The following ITGAD variants were observed in gnomAD, a reference collection of about 807,000 sequenced individuals.
The protein encoded by ITGAD is integrin subunit alpha D, also known as integrin alpha-D.
ITGAD carries 105 observed loss-of-function variants against 139.0 expected under a neutral mutation model. The observed-to-expected ratio is 0.76, with a 90% CI of 0.65 to 0.89. The LOEUF (loss-of-function observed/expected upper bound fraction) is 0.89. Ranked by LOEUF, ITGAD falls within the 40% of genes least tolerant of loss-of-function variation. The pLI, the probability that ITGAD is intolerant of heterozygous loss-of-function variation, is 0.00. For missense variants in ITGAD, 1,384 were observed against 1,487.3 expected (o/e 0.93, Z 1.14); for synonymous variants, 569 against 598.3 (o/e 0.95, Z 0.71).
rs770571323 is a variant in ITGAD at position 31,423,949 on chromosome 16, G to T, written c.3150G>T (p.Trp1050Cys). The change falls in exon 27 of 30, where the codon TGG becomes TGT. Residue 1050 changes from tryptophan to cysteine, a missense_variant. Transcript: ENST00000389202. ...TGAAGGGCAATCTCAGTTTCGGCTG[G>T]GTCCGCGAGGTGTGTGGGGGCAGCG... is the stretch of plus-strand genomic sequence containing the variant. ...FTLKGNLSFG[W>C]VRETLQKKVL... 1.2e-6 allele frequency: 2 copies of T among 1,614,136 alleles called. No individual in the cohort carries two copies. Among genetic ancestry groups the T allele is most frequent in the Non-Finnish European group, 8.5e-7 (1 of 1,180,030 alleles).
chr16:31,410,781 T>C lies in ITGAD; in HGVS notation c.1259T>C (p.Val420Ala), dbSNP rs1404370294. 1 of 1,613,524 alleles carries C rather than the reference T, an allele frequency of 6.2e-7. No individual in the cohort carries two copies. Among genetic ancestry groups the C allele is most frequent in the African/African-American group, 1.3e-5 (1 of 74,932 alleles). Residue 420 changes from valine to alanine, a missense_variant, in exon 12 of 30, where the codon GTC becomes GCC. Transcript: ENST00000389202. The part of the protein sequence containing the change: ...LALWKGVQNL[V>A]LGAPRYQHTG... The stretch of plus-strand genomic sequence containing the variant: ...CTGTGGAAGGGGGTACAGAACCTGG[T>C]CCTGGGGGCCCCCCGCTACCAGCAT...
Position 31,424,453 on chromosome 16 carries a change from G to C in ITGAD, c.3262-14G>C, listed in dbSNP as rs753810099. 1 of 1,603,592 alleles carries C rather than the reference G, an allele frequency of 6.2e-7. No individual in the cohort carries two copies. Among genetic ancestry groups the C allele is most frequent in the South Asian group, 1.1e-5 (1 of 90,636 alleles). On this transcript the variant is annotated splice_polypyrimidine_tract_variant and intron_variant, in intron 28 of 29. Coordinates refer to ENST00000389202, the MANE Select transcript of ITGAD (RefSeq NM_005353.3). ...GATGGCATGAGGCCGGATGCTCTCT[G>C]ATCTCTAAATCAGATGGAGATGGTG...
rs945403853 is a variant in ITGAD, at chr16:31,397,580, G to T, written c.242-16G>T. Reference sequence around the variant, plus strand: ...GTGTGTGCTGTGAGTGAGACCCCGCGTGTCTGCCCTTGCAGTCCGCCCTGA... The same window carrying T: ...GTGTGTGCTGTGAGTGAGACCCCGCTTGTCTGCCCTTGCAGTCCGCCCTGA... On this transcript the variant is annotated splice_polypyrimidine_tract_variant and intron_variant, in intron 3 of 29. Transcript: ENST00000389202. 2 of 1,606,408 alleles carry T rather than the reference G, an allele frequency of 1.2e-6. No individual in the cohort carries two copies. The highest frequency in any genetic ancestry group is 1.7e-5 in the Admixed American group (1 of 59,802).
rs2081765381 is a variant in ITGAD at position 31,412,831 on chromosome 16, T to C, written c.1708-7T>C. ...CAGCCTGATTCACCCTTTTCTCTTCTGGCCAGCGGATTGCCAGCTCCCAGC... is the reference window on the plus strand; with the variant it reads ...CAGCCTGATTCACCCTTTTCTCTTCCGGCCAGCGGATTGCCAGCTCCCAGC... On this transcript the variant is annotated splice_region_variant and splice_polypyrimidine_tract_variant and intron_variant, in intron 14 of 29. Transcript: ENST00000389202. 2 of 1,613,752 alleles carry C rather than the reference T, an allele frequency of 1.2e-6. No homozygotes were observed. Among genetic ancestry groups the C allele is most frequent in the Non-Finnish European group, 1.7e-6 (2 of 1,180,022 alleles).
intron 7 of ITGAD, among the ~76,000 whole-genome samples, chr16:31,406,198 C>T (rs1255842643): frequency 6.6e-6 from 1 of 152,124 alleles, no homozygotes; most frequent in South Asian, 2.1e-4. Context: ...CCTCAGCCTC[C>T]TGAGTAGCTG....
chr16:31,415,077 C>A, intron 18 of ITGAD, 86 bp downstream of exon 18: 1 of 1,477,334 alleles, frequency 6.8e-7, no homozygotes, highest in Non-Finnish European at 9.3e-7. Flanking sequence ...CCCCAACACC[C>A]AACCACATCC....
Position 31,416,520 on chromosome 16 carries a change from C to T in ITGAD, c.2373C>T (p.Thr791=), listed in dbSNP as rs199847395. Residue 791 remains threonine, a synonymous_variant, in exon 20 of 30, where the codon ACC becomes ACT. Transcript: ENST00000389202. Reference sequence around the variant, plus strand: ...TCCCCTTCAGCCTGCAGACCCTGACCGTGGGGAGCTCCCTGGAGCTCAACG... The same window carrying T: ...TCCCCTTCAGCCTGCAGACCCTGACTGTGGGGAGCTCCCTGGAGCTCAACG... ...TLSFSGLQTL[T]VGSSLELNVI... The T allele has an allele frequency of 3.3e-5, 53 of 1,612,138 alleles. 1 individual carries two copies. The Middle Eastern group carries it at 8.3e-4, about 25-fold the overall frequency.
chr16:31,420,404 CT>C (rs113737188), intron 23 of ITGAD, among the ~76,000 whole-genome samples: 523 of 143,088 alleles, frequency 3.7e-3, no homozygotes, highest in Admixed American at 3.5e-3. Flanking sequence ...GCTGCTATTG[CT>C]TTTTTTTTTT....
At chr16:31,402,619 T>C (rs2142657110) in intron 6 of ITGAD, 1 of 181,608 alleles carries the variant, frequency 5.5e-6, no homozygotes, top group Non-Finnish European at 1.2e-5. Context: ...TGTTTTGTTT[T>C]TTAAACAGGG....
At chr16:31,415,116 C>A (rs2142793392) in intron 18 of ITGAD, 125 bp downstream of exon 18, 1 of 1,093,304 alleles carries the variant, frequency 9.1e-7, no homozygotes, top group Non-Finnish European at 1.3e-6. Flanking sequence ...CAGTCTCTCC[C>A]TTCCTCCTCA....
intron 5 of ITGAD, among the ~76,000 whole-genome samples, chr16:31,398,906 AGTGTG>A (rs1017328800): frequency 2.6e-5 from 4 of 152,272 alleles, no homozygotes; most frequent in South Asian, 4.2e-4. Flanking sequence ...GAAGGACCTT[AGTGTG>A]GTAAAGAACG....
At chr16:31,423,811 G>T (rs1211326625) in intron 26 of ITGAD, 34 bp from the exon 27 acceptor site, 1 of 1,608,974 alleles carries the variant, frequency 6.2e-7, no homozygotes, top group South Asian at 1.1e-5. Flanking sequence ...CCTCAGGGAA[G>T]AACCCCTCAG....
At chr16:31,420,483 C>T (rs1241356425) in intron 23 of ITGAD, among the ~76,000 whole-genome samples, 1 of 152,106 alleles carries the variant, frequency 6.6e-6, no homozygotes, top group Non-Finnish European at 1.5e-5. Flanking sequence ...CTGCAACCTC[C>T]ACCTCCCAGG....
At position 31,403,554 on chromosome 16, in the gene ITGAD, T is replaced by A; in HGVS notation, c.613T>A (p.Phe205Ile). 1 of 1,614,162 alleles carries A rather than the reference T, an allele frequency of 6.2e-7. No homozygotes were observed. Among genetic ancestry groups the A allele is most frequent in the Non-Finnish European group, 8.5e-7 (1 of 1,180,020 alleles). The change falls in exon 7 of 30, where the codon TTC becomes ATC. Residue 205 changes from phenylalanine to isoleucine, a missense_variant. By Grantham distance (21) the Phe-to-Ile change is conservative. Transcript: ENST00000389202. The surrounding 1 kb of genome is among the most constrained non-coding windows in gnomAD (Gnocchi z 4.4). ...LLKIHFTFTQFRTSPSQQSLV... is the reference protein window; with the variant it reads ...LLKIHFTFTQIRTSPSQQSLV... Reference sequence around the variant, plus strand: ...GAAGATCCACTTCACCTTCACCCAATTCCGGACCAGCCCGAGCCAGCAGAG... The same window carrying A: ...GAAGATCCACTTCACCTTCACCCAAATCCGGACCAGCCCGAGCCAGCAGAG...
chr16:31,425,845 T>C (rs1158264029), intron 29 of ITGAD, among the ~76,000 whole-genome samples, 170 bp from the exon 30 acceptor site: 1 of 151,976 alleles, frequency 6.6e-6, no homozygotes, highest in Non-Finnish European at 1.5e-5. Flanking sequence ...CACACCCAGC[T>C]AATTTTTGTA....
chr16:31,394,446 G>A (rs1056195849), intron 2 of ITGAD, 105 bp downstream of exon 2: 1 of 727,164 alleles, frequency 1.4e-6, no homozygotes, highest in African/African-American at 1.8e-5. Flanking sequence ...GGCCAGCAGG[G>A]GTGAGAAGTC....
intron 23 of ITGAD, among the ~76,000 whole-genome samples, chr16:31,420,354 C>T (rs2142836532): frequency 6.6e-6 from 1 of 151,236 alleles, no homozygotes; most frequent in South Asian, 2.1e-4. Flanking sequence ...ATCCCATACA[C>T]TGGGCTGAAA....
At chr16:31,398,778 C>G (rs1207767509) in intron 5 of ITGAD, among the ~76,000 whole-genome samples, 1 of 152,142 alleles carries the variant, frequency 6.6e-6, no homozygotes. Flanking sequence ...GTCCTTGTGC[C>G]TGGCCTGAGG....
chr16:31,397,153 A>G (rs1328973706), intron 2 of ITGAD, among the ~76,000 whole-genome samples: 1 of 151,522 alleles, frequency 6.6e-6, no homozygotes, highest in Non-Finnish European at 1.5e-5. Context: ...TGCACACTCA[A>G]AACCAAATAA....
Sources: gnomAD v4.1 joint callset for allele counts (sites outside exome capture counted in the v4.1 genomes callset) on GRCh38, gnomAD v4.1.1 for gene constraint, Gnocchi (gnomAD v3.1) non-coding constraint, MANE v1.5 for transcripts, NCBI Gene and HGNC (gene_info 2026-07-23, HGNC 2026-07-21) for gene names.